SUPT6H: variants seen among roughly 807,000 people sequenced by gnomAD.
The protein encoded by SUPT6H is transcription elongation factor SPT6.
Under a neutral mutation model 222.3 loss-of-function variants are expected in SUPT6H, and 11 were observed. The ratio of observed to expected loss-of-function variants is 0.05; its 90% confidence interval spans 0.03 to 0.08. The LOEUF (loss-of-function observed/expected upper bound fraction) is 0.08. Among genes scored for constraint, SUPT6H ranks in the 10% least tolerant of loss-of-function variants. The pLI, the probability that SUPT6H is intolerant of heterozygous loss-of-function variation, is 1.00. For missense variants in SUPT6H, 1,422 were observed against 2,216.0 expected, an observed-to-expected ratio of 0.64 and a Z score of 7.19; for synonymous variants, 762 against 801.2, an observed-to-expected ratio of 0.95 and a Z score of 0.83.
intron 1 of SUPT6H, among the ~76,000 whole-genome samples, chr17:28,672,435 G>A (rs545420204): frequency 1.1e-4 from 16 of 151,084 alleles, no homozygotes; most frequent in Admixed American, 5.3e-4. Context: ...TTTTTTCGAG[G>A]CAGATTTTGC....
chr17:28,666,580 C>T (rs1441051317), intron 1 of SUPT6H, among the ~76,000 whole-genome samples: 1 of 144,874 alleles, frequency 6.9e-6, no homozygotes, highest in Non-Finnish European at 1.5e-5. Context: ...GAGACGGAGT[C>T]TCGCTCTGTC....
At chr17:28,674,207 A>G in intron 2 of SUPT6H, 76 bp from the exon 3 acceptor site, 1 of 1,563,916 alleles carries the variant, frequency 6.4e-7, no homozygotes, top group Non-Finnish European at 8.7e-7. Context: ...GCAAATGGAT[A>G]ATCACATTAA....
chr17:28,694,157 G>A (rs1352832255), intron 28 of SUPT6H, among the ~76,000 whole-genome samples: 1 of 152,232 alleles, frequency 6.6e-6, no homozygotes, highest in South Asian at 2.1e-4. Flanking sequence ...GAAAGGCTCT[G>A]CCTGTTCTCC....
At position 28,688,401 on chromosome 17, in the gene SUPT6H, G is replaced by A; in HGVS notation, c.3134+183G>A. ...CTATGGAAAAGATCGGTTCAATCATGTGAAACATTTTTCGTGTGAGAGAAA... is the reference window on the plus strand; with the variant it reads ...CTATGGAAAAGATCGGTTCAATCATATGAAACATTTTTCGTGTGAGAGAAA... On this transcript the variant is annotated intron_variant, in intron 24 of 36. Transcript: ENST00000314616. The surrounding 1 kb of genome is among the most constrained non-coding windows in gnomAD (Gnocchi z 4.3). The A allele has an allele frequency of 1.7e-6, 1 of 588,190 alleles. No homozygotes were observed. The highest frequency in any genetic ancestry group is 2.6e-6 in the Non-Finnish European group (1 of 389,692). 36.4% of individuals were successfully genotyped at this position (588,190 alleles called of 1,614,324 possible). A position where few individuals can be genotyped will look rare whatever the true frequency, so the allele number is the denominator to read the frequency against.
rs138655619 is a variant in SUPT6H, at chr17:28,701,490, G to A, written c.5046G>A (p.Leu1682=). The change falls in exon 37 of 37, where the codon CTG becomes CTA. Residue 1682 remains leucine (L), a synonymous_variant. Transcript: ENST00000314616. ...IDWGKMAEQW[L]QEKEAERRKQ... ...GGGGAAAAATGGCGGAGCAGTGGCT[G>A]CAGGAAAAGGAGGCAGAACGGCGGA... is the stretch of plus-strand genomic sequence containing the variant. The A allele has an allele frequency of 5.6e-6, 9 of 1,614,076 alleles. No individual in the cohort carries two copies. The African/African-American group carries it at 9.3e-5, about 17-fold the overall frequency.
intron 2 of SUPT6H, 145 bp downstream of exon 2, chr17:28,673,655 T>A (rs2030564889): frequency 3.2e-6 from 2 of 632,186 alleles, no homozygotes; most frequent in Non-Finnish European, 5.7e-6. Context: ...TCTTAGCAGA[T>A]ACTAACTGAG....
rs2030632657 is a variant in SUPT6H, at chr17:28,674,700, A to G, written c.345+87A>G. On this transcript the variant is annotated intron_variant, in intron 4 of 36. Transcript: ENST00000314616. ...TGTCTGTGGGTGAGGAGGCACACGCAGGACAGTTTGGAGAACATTAGAGCA... is the reference window on the plus strand; with the variant it reads ...TGTCTGTGGGTGAGGAGGCACACGCGGGACAGTTTGGAGAACATTAGAGCA... 21 of 1,297,694 alleles carry G rather than the reference A, an allele frequency of 1.6e-5. 1 individual carries two copies. Among genetic ancestry groups the G allele is most frequent in the Non-Finnish European group, 2.1e-5 (19 of 893,652 alleles). 80.4% of individuals were successfully genotyped at this position (1,297,694 alleles called of 1,614,324 possible).
At position 28,698,040 on chromosome 17, in the gene SUPT6H, A is replaced by G. The variant is rs777753261; in HGVS notation, c.4448+10A>G. On this transcript the variant is annotated intron_variant, in intron 32 of 36. Coordinates refer to ENST00000314616, the MANE Select transcript of SUPT6H (RefSeq NM_003170.5). ...CCCGGGGTAAACCCAGGTGAGCACTAGTGCTGAGAAGGTGCTGCCACTGGG... is the reference window on the plus strand; with the variant it reads ...CCCGGGGTAAACCCAGGTGAGCACTGGTGCTGAGAAGGTGCTGCCACTGGG... 12 of 1,604,170 alleles carry G rather than the reference A, an allele frequency of 7.5e-6. No individual in the cohort carries two copies. Among genetic ancestry groups the G allele is most frequent in the Non-Finnish European group, 9.3e-6 (11 of 1,179,098 alleles).
At position 28,700,999 on chromosome 17, in the gene SUPT6H, C is replaced by T. The variant is rs1324243156; in HGVS notation, c.4865C>T (p.Ser1622Phe). The T allele has an allele frequency of 6.2e-7, 1 of 1,614,152 alleles. No individual in the cohort carries two copies. The highest frequency in any genetic ancestry group is 8.5e-7 in the Non-Finnish European group (1 of 1,179,992). ...VATPLMTPSY[S>F]YTTPSQPITT... ...ACACCACTAATGACCCCTAGCTACT[C>T]CTACACGACCCCAAGCCAGCCCATC... Residue 1622 changes from serine to phenylalanine, a missense_variant, in exon 36 of 37, where the codon TCC (serine) becomes TTC (phenylalanine). Physicochemically the swap from Ser to Phe is radical, Grantham distance 155. Around this residue, in one of 13 missense-constraint regions of SUPT6H, gnomAD observed 395 missense variants for 580.6 expected, o/e 0.68. Coordinates refer to ENST00000314616, the MANE Select transcript of SUPT6H (RefSeq NM_003170.5).
chr17:28,700,607 G>A, intron 35 of SUPT6H, 95 bp downstream of exon 35: 1 of 1,466,694 alleles, frequency 6.8e-7, no homozygotes, highest in Non-Finnish European at 9.2e-7. Flanking sequence ...CACAGATGGG[G>A]CTGCCACGGC....
In SUPT6H at chr17:28,683,349, C is replaced by T; in HGVS notation, c.1960C>T (p.Leu654Phe). 2.5e-6 allele frequency: 4 copies of T among 1,614,188 alleles called. No homozygotes were observed. The highest frequency in any genetic ancestry group is 2.2e-5 in the East Asian group (1 of 44,886). Residue 654 changes from leucine (L) to phenylalanine (F), a missense_variant, in exon 16 of 37, where the codon CTC (leucine) becomes TTC (phenylalanine). By Grantham distance (22) the Leu-to-Phe change is conservative. Transcript: ENST00000314616. ...TAAGGAACTGAGAGATGACCAGTTTCTCAAGATATGCCTGGCTGAAGACGA... is the reference window on the plus strand; with the variant it reads ...TAAGGAACTGAGAGATGACCAGTTTTTCAAGATATGCCTGGCTGAAGACGA... ...PVKELRDDQF[L>F]KICLAEDEGL... is the part of the protein sequence containing the mutation.
chr17:28,679,080 C>A, intron 11 of SUPT6H, 117 bp downstream of exon 11: 2 of 1,356,132 alleles, frequency 1.5e-6, no homozygotes, highest in Non-Finnish European at 2.0e-6. Flanking sequence ...CCTTAGAAAT[C>A]CAACTTGTCA....
chr17:28,686,023 C>T (rs549323204), intron 19 of SUPT6H, among the ~76,000 whole-genome samples: 12 of 152,156 alleles, frequency 7.9e-5, no homozygotes, highest in Admixed American at 2.0e-4. Flanking sequence ...TGTTTTGCTT[C>T]ATCAAAACTA....
chr17:28,676,251 T>G lies in SUPT6H; in HGVS notation c.718T>G (p.Tyr240Asp). 1.2e-6 allele frequency: 2 copies of G among 1,609,844 alleles called. No homozygotes were observed. The highest frequency in any genetic ancestry group is 1.7e-6 in the Non-Finnish European group (2 of 1,178,378). The change falls in exon 7 of 37, where the codon TAT becomes GAT. Residue 240 changes from tyrosine to aspartate, a missense_variant. This residue lies in a region of SUPT6H where 389 missense variants were observed against 544.6 expected (regional missense o/e 0.71). Transcript: ENST00000314616. Reference protein sequence around the residue: ...NEYDEELEEEYEYEDDEAEGE... With the variant: ...NEYDEELEEEDEYEDDEAEGE... The stretch of plus-strand genomic sequence containing the variant: ...GTATGATGAAGAACTGGAGGAAGAG[T>G]ATGAGTATGAGGATGATGAGGCTGA...
intron 1 of SUPT6H, among the ~76,000 whole-genome samples, chr17:28,667,098 G>A (rs2030070505): frequency 1.3e-5 from 2 of 151,612 alleles, no homozygotes; most frequent in South Asian, 4.2e-4. Flanking sequence ...ATAAAATATA[G>A]GATACAAGTG....
At chr17:28,671,909 G>A (rs1044752533) in intron 1 of SUPT6H, among the ~76,000 whole-genome samples, 4 of 152,150 alleles carry the variant, frequency 2.6e-5, no homozygotes, top group East Asian at 1.9e-4. Context: ...TGTTTAGCCC[G>A]TAGGGTATGA....
rs777985415 is a variant in SUPT6H, at chr17:28,701,445, C to A, written c.5001C>A (p.Asn1667Lys). ...ACTTTTCTTCCCCTCCCAGGTCCAACAGCCATGCAGCCATCGACTGGGGAA... is the reference window on the plus strand; with the variant it reads ...ACTTTTCTTCCCCTCCCAGGTCCAAAAGCCATGCAGCCATCGACTGGGGAA... ...SRQRQQQPKS[N>K]SHAAIDWGKM... The change falls in exon 37 of 37, where the codon AAC becomes AAA. Residue 1667 changes from asparagine to lysine, a missense_variant. Around this residue, in one of 13 missense-constraint regions of SUPT6H, gnomAD observed 395 missense variants for 580.6 expected, o/e 0.68. Coordinates refer to ENST00000314616, the MANE Select transcript of SUPT6H (RefSeq NM_003170.5). 1.9e-6 allele frequency: 3 copies of A among 1,613,416 alleles called. No individual in the cohort carries two copies. The African/African-American group carries it at 4.0e-5, about 22-fold the overall frequency.
intron 26 of SUPT6H, 138 bp downstream of exon 26, chr17:28,690,367 A>G (rs1172342835): frequency 3.6e-6 from 4 of 1,099,230 alleles, no homozygotes; most frequent in South Asian, 1.7e-5. Context: ...TTAAAAGACT[A>G]AAGAGTCCTG....
At position 28,688,196 on chromosome 17, in the gene SUPT6H, G is replaced by A. The variant is rs769254111; in HGVS notation, c.3112G>A (p.Asp1038Asn). 5 of 1,612,650 alleles carry A rather than the reference G, an allele frequency of 3.1e-6. No homozygotes were observed. Among genetic ancestry groups the A allele is most frequent in the South Asian group, 1.1e-5 (1 of 90,904 alleles). Residue 1038 changes from aspartate to asparagine, a missense_variant, in exon 24 of 37, where the codon GAC becomes AAC. Coordinates refer to ENST00000314616, the MANE Select transcript of SUPT6H (RefSeq NM_003170.5). The surrounding 1 kb of genome is among the most constrained non-coding windows in gnomAD (Gnocchi z 4.3). ...FMNCAGFLKI[D>N]TASLGDSTDS... is the part of the protein sequence containing the mutation. The stretch of plus-strand genomic sequence containing the variant: ...GAATTGTGCTGGCTTCCTCAAGATC[G>A]ACACGGCCTCCCTGGGGGACAGGTG...
Sources: gnomAD v4.1 joint callset for allele counts (sites outside exome capture counted in the v4.1 genomes callset) on GRCh38, gnomAD v4.1.1 for gene constraint, gnomAD v4.1.1 regional missense constraint, Gnocchi (gnomAD v3.1) non-coding constraint, MANE v1.5 for transcripts, NCBI Gene and HGNC (gene_info 2026-07-23, HGNC 2026-07-21) for gene names.